Variants in STAG1 observed in about 807,000 individuals in gnomAD.
STAG1 encodes the protein cohesin subunit SA-1.
A neutral mutation model predicts 170.9 loss-of-function variants in STAG1; 26 were observed. The observed-to-expected ratio is 0.15, with a 90% CI of 0.11 to 0.21. The LOEUF (loss-of-function observed/expected upper bound fraction) is 0.21. Ranked by LOEUF, STAG1 falls within the 10% of genes least tolerant of loss-of-function variation. The pLI is 1.00. For missense variants in STAG1, 964 were observed against 1,509.5 expected (o/e 0.64, Z 5.99); for synonymous variants, 514 against 497.7 (o/e 1.03, Z -0.44).
chr3:136,616,606 T>G (rs1939608391), intron 3 of STAG1, among the ~76,000 whole-genome samples: 1 of 152,020 alleles, frequency 6.6e-6, no homozygotes. Context: ...ATAGAAAAAG[T>G]AGTACAGAAA....
intron 1 of STAG1, among the ~76,000 whole-genome samples, chr3:136,708,054 T>C (rs1576792116): frequency 6.6e-6 from 1 of 152,164 alleles, no homozygotes; most frequent in African/African-American, 2.4e-5. Flanking sequence ...AGTAGAAATG[T>C]AAAATGATGC....
In STAG1 at chr3:136,579,958, A is replaced by ATTTTTTTTTTTTTT. The variant is rs749325884; in HGVS notation, c.298-11111_298-11098dup. 1.9e-3 allele frequency among the ~76,000 whole-genome samples: 138 copies of ATTTTTTTTTTTTTT among 73,648 alleles called. 14 individuals carry two copies. Among genetic ancestry groups the ATTTTTTTTTTTTTT allele is most frequent in the African/African-American group, 3.1e-3 (53 of 17,064 alleles). The allele number at this position is 73,648 out of a possible 152,430, so 48.3% of individuals were successfully genotyped here. A position where few individuals can be genotyped will look rare whatever the true frequency, so the allele number is the denominator to read the frequency against. ...CTATTTTGGTCACAATACCATCTGAATTTTTTTTTTTTTTTTTTTTTTTTT... is the reference window on the plus strand; with the variant it reads ...CTATTTTGGTCACAATACCATCTGAATTTTTTTTTTTTTTTTTTTTTTTTTTTTTTTTTTTTTTT... On this transcript the variant is annotated intron_variant, in intron 4 of 33. Transcript: ENST00000383202.
rs2089160554 is a variant in STAG1 at position 136,457,826 on chromosome 3, T to G, written c.1314-5679A>C. Among the ~76,000 whole-genome samples the G allele has an allele frequency of 3.3e-5, 5 of 152,210 alleles. No homozygotes were observed. In the South Asian group the frequency reaches 1.0e-3, roughly 32 times the overall value. On this transcript the variant is annotated intron_variant, in intron 13 of 33. Transcript: ENST00000383202. ...AAATAACAACTGGGGCCAGGCATGG[T>G]GATTCATGCCTGTAATCTCCAAACT... is the stretch of plus-strand genomic sequence containing the variant.
intron 9 of STAG1, among the ~76,000 whole-genome samples, chr3:136,495,255 T>G (rs1933017664): frequency 6.6e-6 from 1 of 152,194 alleles, no homozygotes; most frequent in African/African-American, 2.4e-5. Context: ...AAAGTAGACT[T>G]CTGCCCTTAT....
intron 4 of STAG1, among the ~76,000 whole-genome samples, chr3:136,571,089 G>A (rs1937252704): frequency 6.6e-6 from 1 of 152,146 alleles, no homozygotes. Context: ...TTGCAACCTA[G>A]GTAACAAAGT....
intron 4 of STAG1, among the ~76,000 whole-genome samples, chr3:136,575,431 C>T (rs890878716): frequency 1.3e-5 from 2 of 152,132 alleles, no homozygotes; most frequent in African/African-American, 4.8e-5. Flanking sequence ...CGCCATTTTG[C>T]CTAGGCTGGT....
intron 6 of STAG1, among the ~76,000 whole-genome samples, chr3:136,531,681 A>G (rs985823592): frequency 2.7e-5 from 4 of 148,324 alleles, no homozygotes; most frequent in African/African-American, 2.5e-5. Flanking sequence ...AACACCGCAT[A>G]TTCTCACTCA....
intron 21 of STAG1, among the ~76,000 whole-genome samples, chr3:136,411,054 A>C (rs996820123): frequency 6.6e-6 from 1 of 152,226 alleles, no homozygotes; most frequent in African/African-American, 2.4e-5. Flanking sequence ...GGAGCTTAAA[A>C]TAGTACCTTG....
chr3:136,416,536 G>A (rs1483935621), intron 21 of STAG1, among the ~76,000 whole-genome samples: 1 of 152,120 alleles, frequency 6.6e-6, no homozygotes, highest in Non-Finnish European at 1.5e-5. Context: ...TTCTCTCCCT[G>A]GAGAAAATGG....
chr3:136,730,526 T>C (rs760638768), intron 1 of STAG1, among the ~76,000 whole-genome samples: 7 of 152,242 alleles, frequency 4.6e-5, no homozygotes, highest in Non-Finnish European at 8.8e-5. Flanking sequence ...TGTTTAATTA[T>C]TATGCATGTA....
At chr3:136,393,347 A>G (rs1035959524) in intron 22 of STAG1, among the ~76,000 whole-genome samples, 8 of 152,146 alleles carry the variant, frequency 5.3e-5, no homozygotes, top group African/African-American at 1.9e-4. Flanking sequence ...TTTTGTAAAA[A>G]TACAAAAATT....
intron 4 of STAG1, among the ~76,000 whole-genome samples, chr3:136,588,925 A>G (rs4452981): frequency 0.74 from 112,538 of 151,372 alleles, 41,927 homozygotes; most frequent in East Asian, 0.86. Flanking sequence ...ACCACAACCA[A>G]ATAACTTTTG....
Position 136,603,629 on chromosome 3 carries a change from A to G in STAG1, c.297+680T>C, listed in dbSNP as rs545073842. ...GCCGGGCGCGGTGGCTCACGCCTGT[A>G]ATCCCAGTACTTTGGGAGGCCGAGG... is the stretch of plus-strand genomic sequence containing the variant. On this transcript the variant is annotated intron_variant, in intron 4 of 33. Transcript: ENST00000383202. Among the ~76,000 whole-genome samples, 240 of 152,306 alleles carry G rather than the reference A, an allele frequency of 1.6e-3. 1 individual carries two copies. The highest frequency in any genetic ancestry group is 2.9e-3 in the Non-Finnish European group (195 of 68,024).
chr3:136,733,732 A>G (rs936720545), intron 1 of STAG1, among the ~76,000 whole-genome samples: 1 of 152,230 alleles, frequency 6.6e-6, no homozygotes, highest in Non-Finnish European at 1.5e-5. Context: ...TTGTTTTCCC[A>G]ACAGTTAATT....
chr3:136,496,930 G>A (rs893994608), intron 9 of STAG1, among the ~76,000 whole-genome samples: 2 of 151,876 alleles, frequency 1.3e-5, no homozygotes, highest in Non-Finnish European at 2.9e-5. Context: ...GAGAGGGAGA[G>A]AGAGAGAGAT....
At position 136,473,649 on chromosome 3, in the gene STAG1, C is replaced by G; in HGVS notation, c.1027-12G>C. 6.3e-7 allele frequency: 1 copy of G among 1,595,386 alleles called. No homozygotes were observed. Among genetic ancestry groups the G allele is most frequent in the African/African-American group, 1.3e-5 (1 of 74,550 alleles). On this transcript the variant is annotated splice_polypyrimidine_tract_variant and intron_variant, in intron 10 of 33. Transcript: ENST00000383202. ...CTGACTTCCCCTTGCTTCAGAAATA[C>G]AAATAAAAGCACAACAGAAGGAGTC...
chr3:136,684,471 G>A (rs561708117), intron 1 of STAG1, among the ~76,000 whole-genome samples: 56 of 152,058 alleles, frequency 3.7e-4, no homozygotes, highest in Non-Finnish European at 6.2e-4. Context: ...CCAAACAGGC[G>A]GGGTGCATTG....
chr3:136,560,956 T>C (rs1228437041), intron 5 of STAG1, among the ~76,000 whole-genome samples: 1 of 152,120 alleles, frequency 6.6e-6, no homozygotes, highest in African/African-American at 2.4e-5. Flanking sequence ...TTTTTTTTTT[T>C]CCTGCCTTTC....
At chr3:136,660,204 T>C (rs144365132) in intron 1 of STAG1, among the ~76,000 whole-genome samples, 3 of 152,260 alleles carry the variant, frequency 2.0e-5, no homozygotes, top group South Asian at 2.1e-4. Context: ...TCTCTTCCTA[T>C]AAAACTCTTT....
Sources: gnomAD v4.1 joint callset for allele counts (sites outside exome capture counted in the v4.1 genomes callset) on GRCh38, gnomAD v4.1.1 for gene constraint, MANE v1.5 for transcripts, NCBI Gene and HGNC (gene_info 2026-07-23, HGNC 2026-07-21) for gene names.